RMST: variants seen among roughly 807,000 people sequenced by gnomAD.
RMST encodes the protein long intergenic non-protein coding RNA 54.
intron 10 of RMST, among the ~76,000 whole-genome samples, chr12:97,501,595 C>T (rs2136479805): frequency 6.6e-6 from 1 of 152,312 alleles, no homozygotes; most frequent in South Asian, 2.1e-4. Context: ...GCAAACATTT[C>T]TGGTTAGTTC....
At chr12:97,483,462 A>C (rs1875694652) in intron 5 of RMST, 3 of 152,150 alleles carry the variant, frequency 2.0e-5, no homozygotes, top group African/African-American at 7.2e-5. Context: ...AATGTTCTGG[A>C]TGAAGCTTTG....
At chr12:97,558,850 G>A (rs1204229352) in intron 11 of RMST, among the ~76,000 whole-genome samples, 1 of 152,114 alleles carries the variant, frequency 6.6e-6, no homozygotes, top group African/African-American at 2.4e-5. Context: ...CAACCTGATG[G>A]GGCCTCATTT....
At chr12:97,548,688 T>C (rs993339226) in intron 11 of RMST, among the ~76,000 whole-genome samples, 1 of 152,114 alleles carries the variant, frequency 6.6e-6, no homozygotes, top group African/African-American at 2.4e-5. Context: ...CTAATTTTTA[T>C]ATGGTAACTT....
At chr12:97,466,720 C>T (rs546612798) in intron 5 of RMST, among the ~76,000 whole-genome samples, 2 of 152,116 alleles carry the variant, frequency 1.3e-5, no homozygotes, top group African/African-American at 4.8e-5. Flanking sequence ...GTTCCAAATA[C>T]AATGTTTTTA....
intron 5 of RMST, among the ~76,000 whole-genome samples, chr12:97,490,350 G>A (rs1338173447): frequency 6.6e-6 from 1 of 152,186 alleles, no homozygotes; most frequent in Non-Finnish European, 1.5e-5. Flanking sequence ...AACAGACACT[G>A]GCGCCAGACT....
chr12:97,466,940 AT>A (rs1311502247), intron 5 of RMST, among the ~76,000 whole-genome samples: 1 of 152,062 alleles, frequency 6.6e-6, no homozygotes, highest in African/African-American at 2.4e-5. Context: ...CCTTAGGAGA[AT>A]TAGGAGTGTC....
At chr12:97,477,578 A>G (rs1874706519) in intron 5 of RMST, among the ~76,000 whole-genome samples, 2 of 152,206 alleles carry the variant, frequency 1.3e-5, no homozygotes, top group Non-Finnish European at 2.9e-5. Flanking sequence ...ACATTAAAGG[A>G]TAGAAAAAAA....
chr12:97,500,408 A>G (rs1315341289), intron 10 of RMST, among the ~76,000 whole-genome samples: 1 of 152,202 alleles, frequency 6.6e-6, no homozygotes, highest in African/African-American at 2.4e-5. Context: ...CTCTACACAA[A>G]TGAGGGATGA....
intron 11 of RMST, among the ~76,000 whole-genome samples, chr12:97,558,534 A>G (rs1883871862): frequency 6.6e-6 from 1 of 152,238 alleles, no homozygotes; most frequent in Non-Finnish European, 1.5e-5. Context: ...TATAAAAAGA[A>G]TGTGTTACTG....
intron 11 of RMST, among the ~76,000 whole-genome samples, chr12:97,539,812 C>G (rs1882364235): frequency 6.6e-6 from 1 of 151,510 alleles, no homozygotes. Flanking sequence ...GCAAATCACC[C>G]AACCTCAGTG....
At position 97,464,359 on chromosome 12, in the gene RMST, A is replaced by C. The variant is rs150556277; in HGVS notation, n.584+1070A>C. Among the ~76,000 whole-genome samples the C allele has an allele frequency of 3.2e-3, 481 of 152,312 alleles. 3 individuals carry two copies. The highest frequency in any genetic ancestry group is 0.011 in the African/African-American group (463 of 41,572). ...AGGGGGACCGAAAAGCAGTCTGAAT[A>C]TGCAGTAATCGGGGCTAAAGATGGT... On this transcript the variant is annotated intron_variant and non_coding_transcript_variant, in intron 4 of 13. Coordinates refer to ENST00000640149, the Ensembl canonical transcript of RMST.
chr12:97,561,490 A>C (rs1235710106), intron 13 of RMST, among the ~76,000 whole-genome samples: 4 of 152,166 alleles, frequency 2.6e-5, no homozygotes, highest in Non-Finnish European at 5.9e-5. Flanking sequence ...ATCATGATTA[A>C]TGGTGAATCT....
chr12:97,556,050 T>TA (rs1883685962), intron 11 of RMST, among the ~76,000 whole-genome samples: 1 of 152,216 alleles, frequency 6.6e-6, no homozygotes, highest in East Asian at 1.9e-4. Flanking sequence ...ACTTTCCACT[T>TA]ACTGCTCCCT....
At chr12:97,504,906 C>A (rs1428766608) in intron 10 of RMST, among the ~76,000 whole-genome samples, 1 of 149,434 alleles carries the variant, frequency 6.7e-6, no homozygotes, top group Non-Finnish European at 1.5e-5. Flanking sequence ...TGGACTTTCT[C>A]TCTCTGATGA....
intron 10 of RMST, among the ~76,000 whole-genome samples, chr12:97,525,720 G>T (rs543903585): frequency 1.4e-4 from 22 of 152,140 alleles, no homozygotes; most frequent in Admixed American, 8.5e-4. Context: ...TTAAACAAAA[G>T]GGTAATATAC....
chr12:97,524,161 C>T (rs1880856697), intron 10 of RMST, among the ~76,000 whole-genome samples: 1 of 146,002 alleles, frequency 6.8e-6, no homozygotes, highest in Non-Finnish European at 1.5e-5. Flanking sequence ...GTCATTCTTT[C>T]TGTAACATCC....
chr12:97,562,773 T>C (rs565452678), intron 13 of RMST, among the ~76,000 whole-genome samples: 1 of 152,348 alleles, frequency 6.6e-6, no homozygotes, highest in East Asian at 1.9e-4. Flanking sequence ...TTCGTTTAAC[T>C]ATTTCCAGTC....
At chr12:97,549,653 T>G (rs918616570) in intron 11 of RMST, among the ~76,000 whole-genome samples, 2 of 152,212 alleles carry the variant, frequency 1.3e-5, no homozygotes, top group Non-Finnish European at 2.9e-5. Context: ...CTCAGCAACA[T>G]GCTTTTCACA....
In RMST at chr12:97,487,850, C is replaced by T. The variant is rs563852627; in HGVS notation, n.645-4611C>T. On this transcript the variant is annotated intron_variant and non_coding_transcript_variant, in intron 5 of 13. Transcript: ENST00000640149. The stretch of plus-strand genomic sequence containing the variant: ...AGTAATTCACGGTTGAGGTTGCTGA[C>T]GTCTCTTGCCAGTAGAAGTCATTTG... Among the ~76,000 whole-genome samples, 130 of 152,214 alleles carry T rather than the reference C, an allele frequency of 8.5e-4. 1 individual carries two copies. The highest frequency in any genetic ancestry group is 4.0e-4 in the Non-Finnish European group (27 of 68,048).
Sources: gnomAD v4.1 joint callset for allele counts (sites outside exome capture counted in the v4.1 genomes callset) on GRCh38, gnomAD v4.1.1 for gene constraint, MANE v1.5 for transcripts, NCBI Gene and HGNC (gene_info 2026-07-23, HGNC 2026-07-21) for gene names.